The following ADAMTS9 variants were observed in gnomAD, a reference collection of about 807,000 sequenced individuals.
The protein encoded by ADAMTS9 is ADAM metallopeptidase with thrombospondin type 1 motif 9, also known as A disintegrin and metalloproteinase with thrombospondin motifs 9.
ADAMTS9 carries 107 observed loss-of-function variants against 257.1 expected under a neutral mutation model. The observed-to-expected ratio is 0.42, with a 90% CI of 0.36 to 0.49. ADAMTS9 has a LOEUF of 0.49. Ranked by LOEUF, ADAMTS9 falls within the 20% of genes least tolerant of loss-of-function variation. The pLI is 0.03. For synonymous variants in ADAMTS9, 982 were observed against 880.9 expected (o/e 1.11, Z -2.03); for missense variants, 2,353 against 2,469.1 (o/e 0.95, Z 1.00).
Position 64,541,067 on chromosome 3 carries a change from GT to G in ADAMTS9, c.5521+27del, listed in dbSNP as rs762830039. On this transcript the variant is annotated intron_variant, in intron 36 of 39. Transcript: ENST00000498707. ...TCTGAATGGAGAGAAGAACGCACACGTTCCCAAAGGACTCCTCACTAACTTA... is the reference window on the plus strand; with the variant it reads ...TCTGAATGGAGAGAAGAACGCACACGTCCCAAAGGACTCCTCACTAACTTA... 3.7e-6 allele frequency: 6 copies of G among 1,612,382 alleles called. No homozygotes were observed. The East Asian group carries it at 1.3e-4, about 36-fold the overall frequency.
chr3:64,643,801 A>T (rs1485606545), intron 11 of ADAMTS9, among the ~76,000 whole-genome samples: 4 of 150,748 alleles, frequency 2.7e-5, no homozygotes, highest in African/African-American at 7.3e-5. Flanking sequence ...TTTTTTTCAT[A>T]CTAAGTCTTC....
chr3:64,523,152 G>A (rs912322601), intron 38 of ADAMTS9, among the ~76,000 whole-genome samples: 1 of 152,180 alleles, frequency 6.6e-6, no homozygotes, highest in Non-Finnish European at 1.5e-5. Flanking sequence ...GAAGAAATGT[G>A]TCCAGAGAAA....
At chr3:64,572,191 A>G (rs1484809210) in intron 28 of ADAMTS9, among the ~76,000 whole-genome samples, 2 of 152,164 alleles carry the variant, frequency 1.3e-5, no homozygotes, top group African/African-American at 2.4e-5. Context: ...ACTTAGCAGC[A>G]CCAAGGTCAG....
chr3:64,597,172 TCCTATAGACACA>T (rs369800609), intron 26 of ADAMTS9, among the ~76,000 whole-genome samples, 181 bp from the exon 27 acceptor site: 4 of 152,234 alleles, frequency 2.6e-5, no homozygotes, highest in Admixed American at 6.5e-5. Flanking sequence ...CATGTACACA[TCCTATAGACACA>T]CCTGGAGGGC....
chr3:64,623,376 G>T (rs1347521840), intron 16 of ADAMTS9, among the ~76,000 whole-genome samples: 1 of 152,172 alleles, frequency 6.6e-6, no homozygotes, highest in Non-Finnish European at 1.5e-5. Flanking sequence ...AAGCAGCAGG[G>T]AAGTACTGAC....
intron 28 of ADAMTS9, among the ~76,000 whole-genome samples, chr3:64,593,011 TG>T (rs1487021493): frequency 6.6e-6 from 1 of 152,184 alleles, no homozygotes; most frequent in African/African-American, 2.4e-5. Flanking sequence ...AATGTTCATC[TG>T]GGGAAGGTGC....
In ADAMTS9 at chr3:64,633,586, C is replaced by T. The variant is rs1303196212; in HGVS notation, c.2061G>A (p.Lys687=). The change falls in exon 14 of 40, where the codon AAG becomes AAA. Residue 687 remains lysine (K), a synonymous_variant. Transcript: ENST00000498707. ...TGTTCCCTGCCACTCTGCAGAACAA[C>T]TTGCACCGGTCCTTCATCAGAACTA... ...YSGILMKDRC[K]LFCRVAGNTA... is the part of the protein sequence containing the mutation. 2 of 1,614,006 alleles carry T rather than the reference C, an allele frequency of 1.2e-6. No homozygotes were observed. The highest frequency in any genetic ancestry group is 2.2e-5 in the South Asian group (2 of 91,088).
chr3:64,655,856 T>C lies in ADAMTS9; in HGVS notation c.989A>G (p.Asp330Gly). ...LMSIVASIYK[D>G]PSIGNLINIV... is the part of the protein sequence containing the mutation. Reference sequence around the variant, plus strand: ...ATTAATTAAATTTCCAATACTTGGGTCTTTATAGATAGAGGCTACCTGCAA... The same window carrying C: ...ATTAATTAAATTTCCAATACTTGGGCCTTTATAGATAGAGGCTACCTGCAA... Residue 330 changes from aspartate to glycine, a missense_variant, in exon 5 of 40, where the codon GAC (aspartate) becomes GGC (glycine). Coordinates refer to ENST00000498707, the MANE Select transcript of ADAMTS9 (RefSeq NM_182920.2). 6.4e-7 allele frequency: 1 copy of C among 1,565,928 alleles called. No individual in the cohort carries two copies. The highest frequency in any genetic ancestry group is 8.6e-7 in the Non-Finnish European group (1 of 1,162,078).
chr3:64,604,447 G>T, intron 23 of ADAMTS9, 116 bp from the exon 24 acceptor site: 2 of 712,770 alleles, frequency 2.8e-6, no homozygotes, highest in Non-Finnish European at 4.5e-6. Context: ...TCAGATTTCT[G>T]TGTGAATCTG....
chr3:64,650,930 T>A, intron 9 of ADAMTS9, 87 bp downstream of exon 9: 1 of 1,388,426 alleles, frequency 7.2e-7, no homozygotes, highest in Non-Finnish European at 9.7e-7. Flanking sequence ...AAGGAATGTT[T>A]GACTTCATAT....
chr3:64,655,945 C>T (rs761582729), intron 4 of ADAMTS9, 70 bp from the exon 5 acceptor site: 28 of 953,384 alleles, frequency 2.9e-5, no homozygotes, highest in African/African-American at 4.9e-5. Context: ...TCACGTCTTA[C>T]GTTGGGCTCC....
chr3:64,629,327 C>T (rs548502904), intron 16 of ADAMTS9, among the ~76,000 whole-genome samples: 23 of 152,308 alleles, frequency 1.5e-4, no homozygotes, highest in African/African-American at 5.3e-4. Context: ...CTCAAAACCT[C>T]CAGTGGCTCC....
chr3:64,593,687 G>A (rs1338255589), intron 28 of ADAMTS9, among the ~76,000 whole-genome samples: 18 of 152,148 alleles, frequency 1.2e-4, no homozygotes, highest in Non-Finnish European at 7.3e-5. Flanking sequence ...GAACATTTCC[G>A]ACACCCTAAA....
chr3:64,602,681 C>T (rs549046147), intron 25 of ADAMTS9, among the ~76,000 whole-genome samples: 1 of 152,270 alleles, frequency 6.6e-6, no homozygotes, highest in South Asian at 2.1e-4. Context: ...ACTTAAATTC[C>T]CATGTGTGTC....
At chr3:64,681,540 CTGTCA>C (rs1403323080) in intron 2 of ADAMTS9, among the ~76,000 whole-genome samples, 177 bp from the exon 3 acceptor site, 13 of 152,140 alleles carry the variant, frequency 8.5e-5, no homozygotes, top group African/African-American at 2.9e-4. Flanking sequence ...TTTCCACTCT[CTGTCA>C]TATCAGTATA....
intron 30 of ADAMTS9, among the ~76,000 whole-genome samples, chr3:64,557,786 A>C (rs2083359480): frequency 6.6e-6 from 1 of 152,252 alleles, no homozygotes; most frequent in Non-Finnish European, 1.5e-5. Context: ...TCAGAGCCAC[A>C]CACTGAACAG....
At chr3:64,635,377 C>T (rs1261461399) in intron 12 of ADAMTS9, among the ~76,000 whole-genome samples, 2 of 152,164 alleles carry the variant, frequency 1.3e-5, no homozygotes, top group East Asian at 3.9e-4. Flanking sequence ...ACTTAAAAGG[C>T]TTGTTGTGAC....
intron 28 of ADAMTS9, chr3:64,590,040 G>A (rs1036503652): frequency 6.6e-6 from 1 of 151,714 alleles, no homozygotes; most frequent in African/African-American, 2.4e-5. Flanking sequence ...TTGTCTTCTG[G>A]CTATAATTTA....
At chr3:64,669,496 C>T (rs146331415) in intron 3 of ADAMTS9, among the ~76,000 whole-genome samples, 26 of 152,262 alleles carry the variant, frequency 1.7e-4, no homozygotes, top group African/African-American at 6.0e-4. Context: ...GGCCTTGATC[C>T]TCTTATCCAT....
Sources: gnomAD v4.1 joint callset for allele counts (sites outside exome capture counted in the v4.1 genomes callset) on GRCh38, gnomAD v4.1.1 for gene constraint, MANE v1.5 for transcripts, NCBI Gene and HGNC (gene_info 2026-07-23, HGNC 2026-07-21) for gene names.